TENM3: variants seen among roughly 807,000 people sequenced by gnomAD.
TENM3 encodes the protein teneurin transmembrane protein 3, also known as teneurin-3.
A neutral mutation model predicts 255.1 loss-of-function variants in TENM3; 63 were observed. The ratio of observed to expected loss-of-function variants is 0.25; its 90% CI spans 0.20 to 0.30. TENM3 has a LOEUF of 0.30. Ranked by LOEUF, TENM3 falls within the 10% of genes least tolerant of loss-of-function variation. The pLI, the probability that TENM3 is intolerant of heterozygous loss-of-function variation, is 1.00. For synonymous variants in TENM3, 1,306 were observed against 1,322.3 expected (o/e 0.99, Z 0.27); for missense variants, 2,929 against 3,461.1 (o/e 0.85, Z 3.86).
the TENM3 span, among the ~76,000 whole-genome samples, chr4:181,793,926 C>G: frequency 2.0e-5 from 3 of 152,032 alleles, no homozygotes; most frequent in Admixed American, 6.6e-5. Flanking sequence ...TAGGGCTGGT[C>G]CTATAGTCCT....
chr4:181,808,862 C>T, the TENM3 span, among the ~76,000 whole-genome samples: 1 of 152,158 alleles, frequency 6.6e-6, no homozygotes, highest in South Asian at 2.1e-4. Flanking sequence ...TCAACAGCTA[C>T]AGGACAATAC....
At chr4:181,710,472 C>T in the TENM3 span, among the ~76,000 whole-genome samples, 3 of 152,036 alleles carry the variant, frequency 2.0e-5, no homozygotes, top group African/African-American at 7.2e-5. Flanking sequence ...AATCTCAGTA[C>T]TTTGGGAGGC....
intron 1 of TENM3, among the ~76,000 whole-genome samples, chr4:182,261,840 A>G (rs1758814706): frequency 6.6e-6 from 1 of 152,212 alleles, no homozygotes. Flanking sequence ...GTATAACTTT[A>G]CTGCATAGAC....
chr4:182,362,958 T>A (rs1348027266), intron 3 of TENM3, among the ~76,000 whole-genome samples: 1 of 152,220 alleles, frequency 6.6e-6, no homozygotes, highest in Admixed American at 6.5e-5. Context: ...GAAAAGTTTT[T>A]CTGAAAAAGA....
intron 1 of TENM3, among the ~76,000 whole-genome samples, chr4:182,256,788 T>C (rs918509503): frequency 2.0e-5 from 3 of 152,346 alleles, no homozygotes; most frequent in African/African-American, 7.2e-5. Flanking sequence ...TTGGAGCATT[T>C]CCACTTGTAA....
At chr4:182,095,663 T>C in the TENM3 span, among the ~76,000 whole-genome samples, 1 of 152,128 alleles carries the variant, frequency 6.6e-6, no homozygotes, top group African/African-American at 2.4e-5. Flanking sequence ...AGTAGCACAG[T>C]AGGATGACTG....
chr4:181,899,631 G>T, the TENM3 span, among the ~76,000 whole-genome samples: 1 of 151,868 alleles, frequency 6.6e-6, no homozygotes, highest in Non-Finnish European at 1.5e-5. Flanking sequence ...GCAGTGGCGC[G>T]ATCTCAGCTC....
intron 12 of TENM3, among the ~76,000 whole-genome samples, chr4:182,712,897 T>G (rs1331728606): frequency 6.6e-6 from 1 of 152,232 alleles, no homozygotes; most frequent in Non-Finnish European, 1.5e-5. Context: ...ATCTGATGAA[T>G]AGCCAGTTAT....
the TENM3 span, among the ~76,000 whole-genome samples, chr4:181,609,842 G>C: frequency 6.6e-6 from 1 of 152,108 alleles, no homozygotes; most frequent in Non-Finnish European, 1.5e-5. Context: ...CAATATTTGA[G>C]CTCTATATTT....
chr4:182,595,246 T>C (rs567262407), intron 3 of TENM3, among the ~76,000 whole-genome samples: 5 of 152,128 alleles, frequency 3.3e-5, no homozygotes, highest in Non-Finnish European at 7.3e-5. Context: ...CCAGCAGTTT[T>C]TCTTCTTCTC....
At position 182,753,573 on chromosome 4, in the gene TENM3, T is replaced by C. The variant is rs762516270; in HGVS notation, c.3986T>C (p.Leu1329Ser). The change falls in exon 21 of 28, where the codon TTA becomes TCA. Residue 1329 changes from leucine to serine, a missense_variant. Leu to Ser is a moderately radical substitution (Grantham distance 145). This residue lies in a region of TENM3 where 1,608 missense variants were observed against 1,884.4 expected (regional missense o/e 0.85). Coordinates refer to ENST00000511685, the MANE Select transcript of TENM3 (RefSeq NM_001080477.4). ...AACGATTTGACTTCAGCCAGACCTT[T>C]AACTTGTGACACCAGCATGCACATC... ...GSNDLTSARP[L>S]TCDTSMHISQ... is the part of the protein sequence containing the mutation. 1.2e-6 allele frequency: 2 copies of C among 1,613,964 alleles called. No homozygotes were observed. Among genetic ancestry groups the C allele is most frequent in the South Asian group, 2.2e-5 (2 of 91,062 alleles).
intron 22 of TENM3, among the ~76,000 whole-genome samples, chr4:182,770,437 C>T (rs1309633198): frequency 6.6e-6 from 1 of 152,184 alleles, no homozygotes; most frequent in Non-Finnish European, 1.5e-5. Context: ...CGGGCCCCTG[C>T]ACCCCGACAC....
chr4:181,654,230 GAAAAAAA>G, the TENM3 span, among the ~76,000 whole-genome samples: 1,847 of 110,568 alleles, frequency 0.017, 36 homozygotes, highest in African/African-American at 0.055. Flanking sequence ...CTGCCTTCAG[GAAAAAAA>G]AAAAAAAAAA....
At chr4:182,277,323 G>A (rs139499231) in intron 1 of TENM3, among the ~76,000 whole-genome samples, 441 of 151,748 alleles carry the variant, frequency 2.9e-3, no homozygotes, top group African/African-American at 9.9e-3. Flanking sequence ...TGTTAGGCAA[G>A]TATGTTCACA....
intron 3 of TENM3, among the ~76,000 whole-genome samples, chr4:182,390,879 A>G (rs1187096846): frequency 2.0e-5 from 3 of 152,170 alleles, no homozygotes; most frequent in Admixed American, 6.5e-5. Flanking sequence ...CTTTTGCCCA[A>G]TCTGGAGCAA....
the TENM3 span, among the ~76,000 whole-genome samples, chr4:181,972,329 G>C: frequency 6.6e-6 from 1 of 151,146 alleles, no homozygotes. Flanking sequence ...TCAGGTGGGA[G>C]GATTACTCGA....
chr4:182,236,387 C>T (rs1268904542), intron 1 of TENM3, among the ~76,000 whole-genome samples: 1 of 152,136 alleles, frequency 6.6e-6, no homozygotes, highest in Non-Finnish European at 1.5e-5. Flanking sequence ...AAATGACAAA[C>T]TAGAACATGT....
At chr4:181,507,623 G>A in the TENM3 span, among the ~76,000 whole-genome samples, 3 of 152,254 alleles carry the variant, frequency 2.0e-5, no homozygotes, top group South Asian at 2.1e-4. Context: ...TGACACACAC[G>A]CATGCATTTT....
chr4:181,971,404 C>T, the TENM3 span, among the ~76,000 whole-genome samples: 1 of 152,160 alleles, frequency 6.6e-6, no homozygotes, highest in African/African-American at 2.4e-5. Context: ...GAAAACAAAA[C>T]ATGATCCACA....
Sources: gnomAD v4.1 joint callset for allele counts (sites outside exome capture counted in the v4.1 genomes callset) on GRCh38, gnomAD v4.1.1 for gene constraint, gnomAD v4.1.1 regional missense constraint, MANE v1.5 for transcripts, NCBI Gene and HGNC (gene_info 2026-07-23, HGNC 2026-07-21) for gene names.